KMT2C: variants seen among roughly 807,000 people sequenced by gnomAD.
KMT2C encodes the protein histone-lysine N-methyltransferase 2C.
In KMT2C, 88 loss-of-function variants were observed where a neutral mutation model predicts 507.9. The ratio of observed to expected loss-of-function variants is 0.17; its 90% CI spans 0.15 to 0.21. The LOEUF is 0.21. KMT2C is among the 10% of genes least tolerant of loss of function. The probability of loss-of-function intolerance (pLI) is 1.00; values close to 1 mark genes in which losing one functional copy is unlikely to be tolerated. For missense variants in KMT2C, 4,954 were observed against 5,957.8 expected (o/e 0.83, Z 5.55); for synonymous variants, 2,049 against 2,080.8 (o/e 0.98, Z 0.42).
intron 44 of KMT2C, among the ~76,000 whole-genome samples, chr7:152,158,081 T>G (rs957847119): frequency 3.9e-5 from 6 of 152,350 alleles, no homozygotes; most frequent in African/African-American, 1.4e-4. Context: ...TGAGAGAGAC[T>G]ACAGACCTTT....
At chr7:152,351,132 G>A (rs1157742387) in intron 2 of KMT2C, among the ~76,000 whole-genome samples, 1 of 152,164 alleles carries the variant, frequency 6.6e-6, no homozygotes, top group East Asian at 1.9e-4. Context: ...TATAGCTCCT[G>A]AAGGTTCTGC....
rs2129088964 is a variant in KMT2C, at chr7:152,138,493, T to C, written c.14643+303A>G. ...CCAAACTGTGTCCAGGTTAAGGGGA[T>C]AAAGAAGGATCCTATGGCACACAGA... On this transcript the variant is annotated intron_variant, in intron 58 of 58. Transcript: ENST00000262189. The surrounding 1 kb of genome is among the most constrained non-coding windows in gnomAD (Gnocchi z 4.2). 1 of 245,806 alleles carries C rather than the reference T, an allele frequency of 4.1e-6. No individual in the cohort carries two copies. The highest frequency in any genetic ancestry group is 2.3e-5 in the African/African-American group (1 of 43,192). The allele number at this position is 245,806 out of a possible 1,614,324, so 15.2% of individuals were successfully genotyped here.
intron 7 of KMT2C, among the ~76,000 whole-genome samples, chr7:152,269,555 T>G (rs2095920435): frequency 6.6e-6 from 1 of 152,124 alleles, no homozygotes; most frequent in Non-Finnish European, 1.5e-5. Flanking sequence ...AACTAAGAAA[T>G]TTTTCTTTAA....
intron 2 of KMT2C, among the ~76,000 whole-genome samples, chr7:152,346,379 T>C (rs1158878687): frequency 6.6e-6 from 1 of 152,176 alleles, no homozygotes; most frequent in Non-Finnish European, 1.5e-5. Flanking sequence ...AATCATACAA[T>C]GTCTGCTCTC....
At chr7:152,383,749 C>A (rs77443853) in intron 1 of KMT2C, among the ~76,000 whole-genome samples, 927 of 124,096 alleles carry the variant, frequency 7.5e-3, no homozygotes, top group Middle Eastern at 0.039. Context: ...CGTTTCTGCC[C>A]CATCTGTATA....
chr7:152,223,184 A>G (rs1040943637), intron 20 of KMT2C, among the ~76,000 whole-genome samples: 1 of 152,208 alleles, frequency 6.6e-6, no homozygotes, highest in Non-Finnish European at 1.5e-5. Flanking sequence ...TGATAAAATA[A>G]TACTATTAAT....
At chr7:152,139,331 G>A in intron 56 of KMT2C, 72 bp from the exon 57 acceptor site, 1 of 1,399,172 alleles carries the variant, frequency 7.1e-7, no homozygotes, top group Non-Finnish European at 1.0e-6. Context: ...ATCCACACCA[G>A]GAGGACTCAG....
chr7:152,297,051 A>AG (rs2096514603), intron 6 of KMT2C, among the ~76,000 whole-genome samples: 62 of 60,252 alleles, frequency 1.0e-3, no homozygotes, highest in East Asian at 4.0e-3. Flanking sequence ...GAAAGAAAGA[A>AG]AGACAGAGAG....
chr7:152,351,522 A>G (rs2097110694), intron 2 of KMT2C, among the ~76,000 whole-genome samples: 2 of 152,340 alleles, frequency 1.3e-5, no homozygotes, highest in South Asian at 2.1e-4. Flanking sequence ...CTGTACTAGT[A>G]TATGACTAAA....
chr7:152,194,759 A>G (rs1034406288), intron 28 of KMT2C, among the ~76,000 whole-genome samples, 191 bp from the exon 29 acceptor site: 1 of 151,918 alleles, frequency 6.6e-6, no homozygotes, highest in African/African-American at 2.4e-5. Context: ...ATATATTTGT[A>G]TTCGGTGCCA....
At chr7:152,361,667 A>G (rs1231436990) in intron 1 of KMT2C, among the ~76,000 whole-genome samples, 3 of 152,180 alleles carry the variant, frequency 2.0e-5, no homozygotes, top group Non-Finnish European at 2.9e-5. Context: ...AACAGCAGGC[A>G]GAAAAGGAAT....
At chr7:152,251,271 A>C (rs763721003) in intron 11 of KMT2C, among the ~76,000 whole-genome samples, 5 of 152,222 alleles carry the variant, frequency 3.3e-5, no homozygotes, top group Non-Finnish European at 7.3e-5. Context: ...ACATAGTGAG[A>C]ACCCATCTCT....
intron 41 of KMT2C, among the ~76,000 whole-genome samples, chr7:152,167,946 A>G (rs748765450): frequency 2.0e-5 from 3 of 152,244 alleles, no homozygotes; most frequent in African/African-American, 4.8e-5. Context: ...AAGGAAATCC[A>G]TAAGTTGAAA....
intron 1 of KMT2C, among the ~76,000 whole-genome samples, chr7:152,384,615 G>GCTACCACCACCACCACA (rs2097406986): frequency 1.6e-3 from 1 of 616 alleles, no homozygotes; most frequent in African/African-American, 4.0e-3. Context: ...CCACCACCAC[G>GCTACCACCACCACCACA]CTGCACTGAT....
rs1157727315 is a variant in KMT2C at position 152,182,294 on chromosome 7, G to A, written c.5566C>T (p.Pro1856Ser). The change falls in exon 36 of 59, where the codon CCT becomes TCT. Residue 1856 changes from proline to serine, a missense_variant. Physicochemically the swap from Pro to Ser is moderately conservative, Grantham distance 74. Around this residue, in one of 29 missense-constraint regions of KMT2C, gnomAD observed 1,689 missense variants for 1,654.3 expected, o/e 1.02. Transcript: ENST00000262189. ...ATGGGAATCCGGGATGGGGCTGGAG[G>A]AGGAGGTGGAGCTTGTGGCTTTACA... ...VFVKPQAPPP[P>S]PAPSRIPIQD... 1.2e-6 allele frequency: 2 copies of A among 1,614,078 alleles called. No individual in the cohort carries two copies. The highest frequency in any genetic ancestry group is 2.7e-5 in the African/African-American group (2 of 74,930).
chr7:152,400,074 C>T (rs958313980), intron 1 of KMT2C, among the ~76,000 whole-genome samples: 8 of 151,954 alleles, frequency 5.3e-5, no homozygotes, highest in Non-Finnish European at 8.8e-5. Context: ...TTTGGGAGGC[C>T]GAGATGGGCG....
At chr7:152,184,566 A>G (rs1471961338) in intron 34 of KMT2C, among the ~76,000 whole-genome samples, 1 of 152,188 alleles carries the variant, frequency 6.6e-6, no homozygotes. Flanking sequence ...AAGATTCTCT[A>G]TGAAACCTAA....
intron 1 of KMT2C, among the ~76,000 whole-genome samples, chr7:152,419,275 C>T (rs1213480634): frequency 3.9e-5 from 6 of 151,972 alleles, no homozygotes; most frequent in South Asian, 2.1e-4. Flanking sequence ...CACTTGAACT[C>T]GGGAGGCGGA....
intron 3 of KMT2C, among the ~76,000 whole-genome samples, chr7:152,323,781 G>C (rs2096795405): frequency 7.0e-6 from 1 of 142,160 alleles, no homozygotes; most frequent in South Asian, 2.5e-4. Flanking sequence ...AAAAAGAGGG[G>C]GAGGGGAAGG....
Sources: gnomAD v4.1 joint callset for allele counts (sites outside exome capture counted in the v4.1 genomes callset) on GRCh38, gnomAD v4.1.1 for gene constraint, gnomAD v4.1.1 regional missense constraint, Gnocchi (gnomAD v3.1) non-coding constraint, MANE v1.5 for transcripts, NCBI Gene and HGNC (gene_info 2026-07-23, HGNC 2026-07-21) for gene names.